The following ATG7 variants were observed in gnomAD, a reference collection of about 807,000 sequenced individuals.
ATG7 encodes the protein ubiquitin-like modifier-activating enzyme ATG7.
In ATG7, 70 loss-of-function variants were observed where a neutral mutation model predicts 82.4. The observed-to-expected ratio is 0.85, with a 90% CI of 0.70 to 1.04. The LOEUF is 1.04. Ranked by LOEUF, ATG7 falls within the 50% of genes least tolerant of loss-of-function variation. The pLI is 0.00. For missense variants in ATG7, 792 were observed against 864.3 expected (o/e 0.92, Z 1.05); for synonymous variants, 287 against 313.0 (o/e 0.92, Z 0.88).
chr3:11,462,000 C>T (rs1357964523), intron 20 of ATG7, among the ~76,000 whole-genome samples: 1 of 151,732 alleles, frequency 6.6e-6, no homozygotes, highest in Admixed American at 6.6e-5. Context: ...CGCTGCACTC[C>T]AGCCTGGGTG....
chr3:11,336,394 C>T (rs1044560889), intron 11 of ATG7, among the ~76,000 whole-genome samples: 4 of 152,124 alleles, frequency 2.6e-5, no homozygotes, highest in Non-Finnish European at 5.9e-5. Flanking sequence ...GGTTTTCTGT[C>T]GTCCACTAAT....
chr3:11,528,863 G>A (rs1326950660), intron 20 of ATG7, among the ~76,000 whole-genome samples: 3 of 149,856 alleles, frequency 2.0e-5, no homozygotes, highest in East Asian at 2.0e-4. Context: ...ACAGCATTAT[G>A]AGAATAAAAT....
chr3:11,471,745 C>CTTTTGTT (rs1553685524), intron 20 of ATG7, among the ~76,000 whole-genome samples: 1 of 105,710 alleles, frequency 9.5e-6, no homozygotes, highest in East Asian at 2.9e-4. Flanking sequence ...TTTTAGATTT[C>CTTTTGTT]TTTTTTTTTT....
chr3:11,435,633 A>G (rs1408193480), intron 20 of ATG7, among the ~76,000 whole-genome samples: 1 of 152,204 alleles, frequency 6.6e-6, no homozygotes, highest in Non-Finnish European at 1.5e-5. Flanking sequence ...CACATAGCCA[A>G]GACTGCCATG....
Position 11,360,630 on chromosome 3 carries a change from A to G in ATG7, c.1529A>G (p.His510Arg), listed in dbSNP as rs1414021282. ...TTTGACACATTTGTTGTCATGAGAC[A>G]TGGTCTGAAGAAACCAAAGCAGCAA... ...LGFDTFVVMRHGLKKPKQQGA... is the reference protein window; with the variant it reads ...LGFDTFVVMRRGLKKPKQQGA... The change falls in exon 16 of 21, where the codon CAT (histidine) becomes CGT (arginine). Residue 510 changes from histidine (H) to arginine (R), a missense_variant. His to Arg is a conservative substitution (Grantham distance 29). Transcript: ENST00000693202. 2 of 1,614,186 alleles carry G rather than the reference A, an allele frequency of 1.2e-6. No individual in the cohort carries two copies. The highest frequency in any genetic ancestry group is 1.1e-5 in the South Asian group (1 of 91,090).
At chr3:11,432,782 C>G (rs1219637700) in intron 20 of ATG7, among the ~76,000 whole-genome samples, 1 of 152,140 alleles carries the variant, frequency 6.6e-6, no homozygotes, top group Non-Finnish European at 1.5e-5. Context: ...AAAATGTTGC[C>G]TTGTAAATTA....
At chr3:11,511,878 T>C (rs535090488) in intron 20 of ATG7, among the ~76,000 whole-genome samples, 2 of 152,298 alleles carry the variant, frequency 1.3e-5, no homozygotes, top group East Asian at 1.9e-4. Flanking sequence ...CAGGGCTGGC[T>C]GGCTGCTCCG....
chr3:11,475,147 T>C (rs990702430), intron 20 of ATG7, among the ~76,000 whole-genome samples: 6 of 152,078 alleles, frequency 3.9e-5, no homozygotes, highest in Admixed American at 2.0e-4. Context: ...GTTATTGTTA[T>C]TGACATCATA....
At chr3:11,399,035 C>T (rs1213873175) in intron 19 of ATG7, among the ~76,000 whole-genome samples, 3 of 152,152 alleles carry the variant, frequency 2.0e-5, no homozygotes, top group Admixed American at 1.3e-4. Flanking sequence ...TAACATGTAT[C>T]TTAGCATTGA....
Position 11,424,869 on chromosome 3 carries a change from A to C in ATG7, c.1957-1935A>C, listed in dbSNP as rs1029713224. On this transcript the variant is annotated intron_variant, in intron 19 of 20. Coordinates refer to ENST00000693202, the MANE Select transcript of ATG7 (RefSeq NM_001349232.2). ...CTCTTTTTGAACACAAATACTATCTATACACAGTCTAGATATTGCTTTTTA... is the reference window on the plus strand; with the variant it reads ...CTCTTTTTGAACACAAATACTATCTCTACACAGTCTAGATATTGCTTTTTA... Among the ~76,000 whole-genome samples, 25 of 152,262 alleles carry C rather than the reference A, an allele frequency of 1.6e-4. No individual in the cohort carries two copies. The Middle Eastern group carries it at 0.014, about 83-fold the overall frequency.
intron 14 of ATG7, among the ~76,000 whole-genome samples, chr3:11,355,364 C>CA (rs1192855267): frequency 6.6e-6 from 1 of 151,908 alleles, no homozygotes; most frequent in African/African-American, 2.4e-5. Flanking sequence ...ATACTATGAA[C>CA]AAAAAATGGT....
intron 1 of ATG7, among the ~76,000 whole-genome samples, chr3:11,280,218 T>C (rs1193026750): frequency 4.6e-5 from 7 of 152,134 alleles, no homozygotes; most frequent in Admixed American, 1.3e-4. Context: ...GGCCCTTTTT[T>C]TGTATTTTTA....
At chr3:11,396,308 G>C (rs576176853) in intron 19 of ATG7, among the ~76,000 whole-genome samples, 2 of 151,884 alleles carry the variant, frequency 1.3e-5, no homozygotes, top group Non-Finnish European at 2.9e-5. Context: ...TTAGCCAGAC[G>C]CATGCCTGTA....
chr3:11,445,803 A>G (rs1433870040), intron 20 of ATG7, among the ~76,000 whole-genome samples: 2 of 152,214 alleles, frequency 1.3e-5, no homozygotes, highest in African/African-American at 4.8e-5. Context: ...TATCCTTGCC[A>G]GAATCTTGGT....
At chr3:11,401,526 G>T (rs1296260114) in intron 19 of ATG7, among the ~76,000 whole-genome samples, 1 of 152,128 alleles carries the variant, frequency 6.6e-6, no homozygotes, top group Non-Finnish European at 1.5e-5. Flanking sequence ...CTACACTCAT[G>T]GTATCCACTC....
intron 19 of ATG7, among the ~76,000 whole-genome samples, chr3:11,415,510 C>T (rs935616530): frequency 3.3e-5 from 5 of 152,132 alleles, no homozygotes; most frequent in African/African-American, 1.2e-4. Context: ...CATACAAAAA[C>T]ATTTTTTCTT....
chr3:11,342,238 G>C lies in ATG7; in HGVS notation c.1084G>C (p.Gly362Arg). 1 of 1,613,570 alleles carries C rather than the reference G, an allele frequency of 6.2e-7. No homozygotes were observed. The highest frequency in any genetic ancestry group is 8.5e-7 in the Non-Finnish European group (1 of 1,179,982). ...TGTGTCTGTCAAATGTCTGCTGCTT[G>C]GAGCCGGCACCTTGGGTTGCAATGT... is the stretch of plus-strand genomic sequence containing the variant. The part of the protein sequence containing the change: ...KVVSVKCLLL[G>R]AGTLGCNVAR... Residue 362 changes from glycine to arginine, a missense_variant, in exon 13 of 21, where the codon GGA becomes CGA. Coordinates refer to ENST00000693202, the MANE Select transcript of ATG7 (RefSeq NM_001349232.2).
chr3:11,348,230 C>T (rs1379817101), intron 14 of ATG7, 195 bp downstream of exon 14: 10 of 679,816 alleles, frequency 1.5e-5, no homozygotes, highest in Admixed American at 3.2e-5. Context: ...CATGGTGGCT[C>T]ATACCTGCAA....
At chr3:11,546,894 G>C (rs2071342833) in intron 20 of ATG7, among the ~76,000 whole-genome samples, 1 of 152,268 alleles carries the variant, frequency 6.6e-6, no homozygotes, top group South Asian at 2.1e-4. Context: ...CCAGCGGAGA[G>C]CAGCACAGGC....
Sources: allele counts gnomAD v4.1 joint callset (sites outside exome capture counted in the v4.1 genomes callset), GRCh38; gene constraint gnomAD v4.1.1; transcripts MANE v1.5; gene names NCBI Gene and HGNC (gene_info 2026-07-23, HGNC 2026-07-21).